ARPC5L: variants seen among roughly 807,000 people sequenced by gnomAD.
ARPC5L encodes actin related protein 2/3 complex subunit 5 like, also known as actin-related protein 2/3 complex subunit 5-like protein.
Under a neutral mutation model 16.9 loss-of-function variants are expected in ARPC5L, and 4 were observed. That is an observed-to-expected ratio of 0.24 (90% CI 0.12 to 0.54). ARPC5L has a LOEUF of 0.54. ARPC5L is among the 20% of genes least tolerant of loss of function. The pLI, the probability that ARPC5L is intolerant of heterozygous loss-of-function variation, is 0.95. For synonymous variants in ARPC5L, 78 were observed against 82.6 expected (o/e 0.94, Z 0.30); for missense variants, 151 against 201.9 (o/e 0.75, Z 1.53).
At chr9:124,868,250 T>C (rs1234799237) in intron 2 of ARPC5L, among the ~76,000 whole-genome samples, 178 bp from the exon 3 acceptor site, 21 of 152,208 alleles carry the variant, frequency 1.4e-4, no homozygotes, top group Admixed American at 1.4e-3. Flanking sequence ...CTACTGACTT[T>C]TATTAAAAAG....
At chr9:124,867,064 C>T (rs1048127299) in intron 2 of ARPC5L, among the ~76,000 whole-genome samples, 2 of 152,134 alleles carry the variant, frequency 1.3e-5, no homozygotes, top group Non-Finnish European at 2.9e-5. Flanking sequence ...TGAGCCCACC[C>T]CAACCTCTGA....
At chr9:124,875,790 G>A (rs1239668188) in intron 5 of ARPC5L, among the ~76,000 whole-genome samples, 2 of 152,166 alleles carry the variant, frequency 1.3e-5, no homozygotes, top group Non-Finnish European at 2.9e-5. Context: ...CAGTAAGCAC[G>A]CCCACCATTA....
In ARPC5L at chr9:124,869,030, G is replaced by A. The variant is rs1829310605; in HGVS notation, c.-261G>A. 1 of 364,972 alleles carries A rather than the reference G, an allele frequency of 2.7e-6. No homozygotes were observed. Among genetic ancestry groups the A allele is most frequent in the Non-Finnish European group, 4.9e-6 (1 of 206,166 alleles). The allele number at this position is 364,972 out of a possible 1,614,324, so 22.6% of individuals were successfully genotyped here. ...GTGACAAAATAGAGACTCCGTGGAA[G>A]GGACACTGAGGTGGGGGAGGCTGCG... On this transcript the variant is annotated 5_prime_UTR_variant, in exon 3 of 6. Transcript: ENST00000353214.
Position 124,869,376 on chromosome 9 carries a change from AGGC to A in ARPC5L, c.104_106del (p.Ala35del), listed in dbSNP as rs757429790. On this transcript the variant is annotated inframe_deletion, in exon 3 of 6. Coordinates refer to ENST00000353214, the MANE Select transcript of ARPC5L (RefSeq NM_030978.3). Reference sequence around the variant, plus strand: ...AACAAATTTGTGGACGAGCAGGAGGAGGCGGCGGCGGCGGCGGCGGAGCCAGGC... The same window carrying A: ...AACAAATTTGTGGACGAGCAGGAGGAGGCGGCGGCGGCGGCGGAGCCAGGC... The A allele has an allele frequency of 2.1e-4, 324 of 1,513,474 alleles. No individual in the cohort carries two copies. Among genetic ancestry groups the A allele is most frequent in the Admixed American group, 1.4e-3 (67 of 48,076 alleles). 93.8% of individuals were successfully genotyped at this position (1,513,474 alleles called of 1,614,324 possible).
Position 124,877,530 on chromosome 9 carries a change from T to TG in ARPC5L, c.*591dup, listed in dbSNP as rs1204809676. 1 of 152,674 alleles carries TG rather than the reference T, an allele frequency of 6.5e-6. No homozygotes were observed. Among genetic ancestry groups the TG allele is most frequent in the East Asian group, 1.9e-4 (1 of 5,196 alleles). The allele number at this position is 152,674 out of a possible 1,614,324, so 9.5% of individuals were successfully genotyped here. On this transcript the variant is annotated 3_prime_UTR_variant, in exon 6 of 6. Coordinates refer to ENST00000353214, the MANE Select transcript of ARPC5L (RefSeq NM_030978.3). ...TGTGGAAGGAGTAGACCTGTGTCCC[T>TG]GTTGAGCCACCCCTGGGAGCGAGCA...
intron 5 of ARPC5L, among the ~76,000 whole-genome samples, 164 bp downstream of exon 5, chr9:124,875,315 A>T (rs1829416355): frequency 6.6e-6 from 1 of 152,222 alleles, no homozygotes; most frequent in Non-Finnish European, 1.5e-5. Context: ...CTCCCAAGGA[A>T]GCTCCTGGTA....
rs371663105 is a variant in ARPC5L at position 124,875,049 on chromosome 9, A to G, written c.297A>G (p.Ser99=). ...GTGAGATTGAGCAGGCTGTGCAGTCACTGGACAGAAACGGCGTTGACTTGT... is the reference window on the plus strand; with the variant it reads ...GTGAGATTGAGCAGGCTGTGCAGTCGCTGGACAGAAACGGCGTTGACTTGT... The part of the protein sequence containing the change: ...KSSEIEQAVQ[S]LDRNGVDLLM... Residue 99 remains serine, a synonymous_variant, in exon 5 of 6, where the codon TCA becomes TCG. Transcript: ENST00000353214. 9.9e-6 allele frequency: 16 copies of G among 1,614,094 alleles called. No individual in the cohort carries two copies. Among genetic ancestry groups the G allele is most frequent in the Non-Finnish European group, 1.4e-5 (16 of 1,179,932 alleles).
rs1156498009 is a variant in ARPC5L at position 124,871,977 on chromosome 9, G to A, written c.150-1715G>A. The stretch of plus-strand genomic sequence containing the variant: ...GCACCACAGCCTGTTCTCTGAAAAG[G>A]CCTAAAGCCAGCCAAGTATGACAGC... On this transcript the variant is annotated intron_variant, in intron 3 of 5. Transcript: ENST00000353214. 2.0e-5 allele frequency among the ~76,000 whole-genome samples: 3 copies of A among 152,114 alleles called. No individual in the cohort carries two copies. The East Asian group carries it at 5.8e-4, about 29-fold the overall frequency.
Position 124,869,208 on chromosome 9 carries a change from C to T in ARPC5L, c.-83C>T. The T allele has an allele frequency of 4.5e-6, 6 of 1,345,444 alleles. No homozygotes were observed. Among genetic ancestry groups the T allele is most frequent in the Non-Finnish European group, 5.8e-6 (6 of 1,042,714 alleles). The allele number at this position is 1,345,444 out of a possible 1,614,324, so 83.3% of individuals were successfully genotyped here. ...AGCAGCCGGGCAGCCGCTTCCCGCC[C>T]CCGAGCAGGAGCCGGTGCGAGCGGA... is the stretch of plus-strand genomic sequence containing the variant. On this transcript the variant is annotated 5_prime_UTR_variant, in exon 3 of 6. Coordinates refer to ENST00000353214, the MANE Select transcript of ARPC5L (RefSeq NM_030978.3).
chr9:124,873,601 G>C lies in ARPC5L; in HGVS notation c.150-91G>C. 3 of 1,441,058 alleles carry C rather than the reference G, an allele frequency of 2.1e-6. No homozygotes were observed. In the South Asian group the frequency reaches 3.5e-5, roughly 17 times the overall value. 89.3% of individuals were successfully genotyped at this position (1,441,058 alleles called of 1,614,324 possible). A position where few individuals can be genotyped will look rare whatever the true frequency, so the allele number is the denominator to read the frequency against. Reference sequence around the variant, plus strand: ...GGGTGGTATGGATGAGATCCCATCTGACTCTGTTCCTGAGCTGTTTCTGAA... The same window carrying C: ...GGGTGGTATGGATGAGATCCCATCTCACTCTGTTCCTGAGCTGTTTCTGAA... On this transcript the variant is annotated intron_variant, in intron 3 of 5. Transcript: ENST00000353214.
chr9:124,864,107 G>A lies in ARPC5L; in HGVS notation c.-864G>A, dbSNP rs191328942. ...ATTAATGAACCTTGACCCACACCAA[G>A]GTGAGGAAGGCTTTCAGGAGGTGGA... On this transcript the variant is annotated splice_region_variant and 5_prime_UTR_variant, in exon 2 of 6. Coordinates refer to ENST00000353214, the MANE Select transcript of ARPC5L (RefSeq NM_030978.3). 6.6e-6 allele frequency: 1 copy of A among 152,284 alleles called. No individual in the cohort carries two copies. The highest frequency in any genetic ancestry group is 2.4e-5 in the African/African-American group (1 of 41,552). The allele number at this position is 152,284 out of a possible 1,614,324, so 9.4% of individuals were successfully genotyped here. A position where few individuals can be genotyped will look rare whatever the true frequency, so the allele number is the denominator to read the frequency against.
rs1397446529 is a variant in ARPC5L, at chr9:124,868,901, G to C, written c.-390G>C. On this transcript the variant is annotated 5_prime_UTR_variant, in exon 3 of 6. Coordinates refer to ENST00000353214, the MANE Select transcript of ARPC5L (RefSeq NM_030978.3). The stretch of plus-strand genomic sequence containing the variant: ...ACCCCGGGAGCACGCGCCCGGCCCC[G>C]CTGAGGCCAGGGGCTCCTCGGAGGC... 1 of 173,590 alleles carries C rather than the reference G, an allele frequency of 5.8e-6. No homozygotes were observed. Among genetic ancestry groups the C allele is most frequent in the African/African-American group, 2.4e-5 (1 of 42,318 alleles). The allele number at this position is 173,590 out of a possible 1,614,324, so 10.8% of individuals were successfully genotyped here. A position where few individuals can be genotyped will look rare whatever the true frequency, so the allele number is the denominator to read the frequency against.
At position 124,869,254 on chromosome 9, in the gene ARPC5L, C is replaced by G. The variant is rs1467854595; in HGVS notation, c.-37C>G. The G allele has an allele frequency of 1.3e-6, 2 of 1,489,436 alleles. No homozygotes were observed. Among genetic ancestry groups the G allele is most frequent in the Non-Finnish European group, 1.8e-6 (2 of 1,121,596 alleles). 92.3% of individuals were successfully genotyped at this position (1,489,436 alleles called of 1,614,324 possible). A position where few individuals can be genotyped will look rare whatever the true frequency, so the allele number is the denominator to read the frequency against. On this transcript the variant is annotated 5_prime_UTR_variant, in exon 3 of 6. Transcript: ENST00000353214. ...GCGGAGCAGAGCCGAGGTCGGGCCG[C>G]GAGCGGAGCCGGCTGAGCGGGCGCC...
chr9:124,873,615 G>C, intron 3 of ARPC5L, 77 bp from the exon 4 acceptor site: 3 of 1,523,278 alleles, frequency 2.0e-6, no homozygotes, highest in Non-Finnish European at 2.7e-6. Context: ...CTGTTCCTGA[G>C]CTGTTTCTGA....
At chr9:124,866,302 G>A (rs1394601453) in intron 2 of ARPC5L, among the ~76,000 whole-genome samples, 2 of 152,012 alleles carry the variant, frequency 1.3e-5, no homozygotes, top group Non-Finnish European at 2.9e-5. Context: ...TACTCCAGAG[G>A]CTGAGGCAGG....
intron 2 of ARPC5L, among the ~76,000 whole-genome samples, chr9:124,867,429 T>C (rs559538923): frequency 2.0e-5 from 3 of 152,200 alleles, no homozygotes; most frequent in African/African-American, 7.2e-5. Flanking sequence ...TGTGAGCCAC[T>C]GCGCCCGGCC....
chr9:124,874,845 A>G (rs1007986964), intron 4 of ARPC5L, 130 bp from the exon 5 acceptor site: 21 of 1,125,060 alleles, frequency 1.9e-5, no homozygotes, highest in Non-Finnish European at 2.7e-5. Flanking sequence ...TAACCCACTT[A>G]TTTTAACCAT....
Position 124,873,794 on chromosome 9 carries a change from G to T in ARPC5L, c.222+30G>T, listed in dbSNP as rs541718103. 32 of 1,613,408 alleles carry T rather than the reference G, an allele frequency of 2.0e-5. No individual in the cohort carries two copies. The Admixed American group carries it at 5.3e-4, about 27-fold the overall frequency. ...AGGGGTGGCGCTGCGGCTCTGCTGG[G>T]TGCTGTTGGGACCAGGGCTGTGGGT... On this transcript the variant is annotated intron_variant, in intron 4 of 5. Coordinates refer to ENST00000353214, the MANE Select transcript of ARPC5L (RefSeq NM_030978.3).
intron 3 of ARPC5L, 123 bp from the exon 4 acceptor site, chr9:124,873,569 G>A (rs182131950): frequency 3.6e-6 from 4 of 1,102,916 alleles, no homozygotes; most frequent in Non-Finnish European, 5.5e-6. Flanking sequence ...TGGAAGCCGT[G>A]GAAGGTGGGT....
Sources: gnomAD v4.1 joint callset for allele counts (sites outside exome capture counted in the v4.1 genomes callset) on GRCh38, gnomAD v4.1.1 for gene constraint, MANE v1.5 for transcripts, NCBI Gene and HGNC (gene_info 2026-07-23, HGNC 2026-07-21) for gene names.